The following LHFPL2 variants were observed in gnomAD, a reference collection of about 807,000 sequenced individuals.
LHFPL2 encodes LHFPL tetraspan subfamily member 2.
LHFPL2 carries 7 observed loss-of-function variants against 17.5 expected under a neutral mutation model. That is an observed-to-expected ratio of 0.40 (90% confidence interval 0.23 to 0.75). The LOEUF (loss-of-function observed/expected upper bound fraction) is 0.75. Ranked by LOEUF, LHFPL2 falls within the 30% of genes least tolerant of loss-of-function variation. The pLI is 0.37. For synonymous variants in LHFPL2, 134 were observed against 116.2 expected, an observed-to-expected ratio of 1.15 and a Z score of -0.99; for missense variants, 241 against 294.8, an observed-to-expected ratio of 0.82 and a Z score of 1.34.
In LHFPL2 at chr5:78,640,887, C is replaced by T. The variant is rs371179500; in HGVS notation, c.-350+7612G>A. Reference sequence around the variant, plus strand: ...CAAGCATTCACTGGGGCCTGCTTGGCACACTCTCATTTATGCCACAAATGA... The same window carrying T: ...CAAGCATTCACTGGGGCCTGCTTGGTACACTCTCATTTATGCCACAAATGA... On this transcript the variant is annotated intron_variant, in intron 1 of 4. Transcript: ENST00000380345. Among the ~76,000 whole-genome samples, 9 of 152,294 alleles carry T rather than the reference C, an allele frequency of 5.9e-5. No homozygotes were observed. In the East Asian group the frequency reaches 7.7e-4, roughly 13 times the overall value.
At chr5:78,582,075 C>T (rs1397522913) in intron 2 of LHFPL2, among the ~76,000 whole-genome samples, 4 of 152,186 alleles carry the variant, frequency 2.6e-5, no homozygotes, top group Admixed American at 6.5e-5. Context: ...GGTTTATTTG[C>T]GTAGAGATGT....
rs562130910 is a variant in LHFPL2, at chr5:78,527,725, C to T, written c.-185-17327G>A. ...GTGAAATTTTCAACTTGTAATATTA[C>T]AACAGTTTCTAGTCCCAGCAAAAGA... is the stretch of plus-strand genomic sequence containing the variant. On this transcript the variant is annotated intron_variant, in intron 3 of 4. Coordinates refer to ENST00000380345, the MANE Select transcript of LHFPL2 (RefSeq NM_005779.3). 2.6e-5 allele frequency among the ~76,000 whole-genome samples: 4 copies of T among 152,186 alleles called. No homozygotes were observed. In the East Asian group the frequency reaches 5.8e-4, roughly 22 times the overall value.
intron 2 of LHFPL2, among the ~76,000 whole-genome samples, chr5:78,602,737 G>C (rs752978802): frequency 9.9e-5 from 15 of 152,166 alleles, no homozygotes; most frequent in Non-Finnish European, 1.9e-4. Flanking sequence ...ACCCAGCCCA[G>C]AGGTCTACAC....
At chr5:78,497,620 T>G (rs1754648128) in intron 4 of LHFPL2, among the ~76,000 whole-genome samples, 1 of 152,232 alleles carries the variant, frequency 6.6e-6, no homozygotes, top group Non-Finnish European at 1.5e-5. Context: ...TAAGGTGATG[T>G]GATTATATTA....
chr5:78,633,737 C>G lies in LHFPL2; in HGVS notation c.-349-1369G>C, dbSNP rs189846037. Among the ~76,000 whole-genome samples, 3 of 152,334 alleles carry G rather than the reference C, an allele frequency of 2.0e-5. No homozygotes were observed. The East Asian group carries it at 5.8e-4, about 29-fold the overall frequency. ...ATGGGGTAGGGGACTGAGCCACCTT[C>G]AGGGTAGGGAGGTGGAGATGGGAGT... is the stretch of plus-strand genomic sequence containing the variant. On this transcript the variant is annotated intron_variant, in intron 1 of 4. Transcript: ENST00000380345.
chr5:78,573,154 C>G (rs112909186), intron 2 of LHFPL2, among the ~76,000 whole-genome samples: 1 of 151,942 alleles, frequency 6.6e-6, no homozygotes, highest in African/African-American at 2.4e-5. Context: ...TTTCCTGGAA[C>G]GGGGAGTACA....
chr5:78,548,385 G>T (rs1192629307), intron 3 of LHFPL2, among the ~76,000 whole-genome samples: 4 of 152,224 alleles, frequency 2.6e-5, no homozygotes, highest in Non-Finnish European at 5.9e-5. Flanking sequence ...GCGCCCACCA[G>T]CAGCCCTCTC....
At chr5:78,622,478 T>C (rs1454958721) in intron 2 of LHFPL2, among the ~76,000 whole-genome samples, 1 of 152,140 alleles carries the variant, frequency 6.6e-6, no homozygotes. Flanking sequence ...AGAAGAATAA[T>C]TTGCCTGAGG....
chr5:78,489,228 C>T, intron 4 of LHFPL2, 75 bp from the exon 5 acceptor site: 2 of 1,548,706 alleles, frequency 1.3e-6, no homozygotes, highest in Non-Finnish European at 1.8e-6. Context: ...GTAATTGTTA[C>T]TTGATTTGCT....
chr5:78,555,485 G>A (rs1756548103), intron 3 of LHFPL2, among the ~76,000 whole-genome samples: 1 of 152,260 alleles, frequency 6.6e-6, no homozygotes, highest in Non-Finnish European at 1.5e-5. Flanking sequence ...AACATGGAAG[G>A]AGGAAGGAGG....
chr5:78,626,753 G>C (rs895983391), intron 2 of LHFPL2: 1 of 152,140 alleles, frequency 6.6e-6, no homozygotes, highest in Non-Finnish European at 1.5e-5. Flanking sequence ...CACAACTCAA[G>C]AGAAGTTTTT....
At chr5:78,525,094 T>G (rs886525240) in intron 3 of LHFPL2, among the ~76,000 whole-genome samples, 1 of 152,176 alleles carries the variant, frequency 6.6e-6, no homozygotes, top group African/African-American at 2.4e-5. Flanking sequence ...TTCTTCCCAC[T>G]ATATGCCAGT....
intron 2 of LHFPL2, among the ~76,000 whole-genome samples, chr5:78,572,394 A>G (rs1757019747): frequency 6.6e-6 from 1 of 151,884 alleles, no homozygotes; most frequent in Admixed American, 6.6e-5. Flanking sequence ...GCTTAGCCAA[A>G]TAATTCTACA....
At chr5:78,594,345 C>T (rs1475907509) in intron 2 of LHFPL2, among the ~76,000 whole-genome samples, 2 of 152,126 alleles carry the variant, frequency 1.3e-5, no homozygotes, top group Non-Finnish European at 2.9e-5. Context: ...AACTGTGTGG[C>T]CTTGGACACA....
chr5:78,496,488 T>A (rs1163841138), intron 4 of LHFPL2, among the ~76,000 whole-genome samples: 1 of 152,140 alleles, frequency 6.6e-6, no homozygotes, highest in African/African-American at 2.4e-5. Flanking sequence ...AAAAAACAAA[T>A]CCCTCTAGTG....
Position 78,648,712 on chromosome 5 carries a change from C to G in LHFPL2, c.-563G>C, listed in dbSNP as rs1028914524. On this transcript the variant is annotated 5_prime_UTR_variant, in exon 1 of 5. Transcript: ENST00000380345. The surrounding 1 kb of genome is among the most constrained non-coding windows in gnomAD (Gnocchi z 5.4). Reference sequence around the variant, plus strand: ...AGGGTCCGCGGCGCGGGGGAGGAGGCAGCGAGGCGAGAGAGCGCCAAGCTC... The same window carrying G: ...AGGGTCCGCGGCGCGGGGGAGGAGGGAGCGAGGCGAGAGAGCGCCAAGCTC... 1 of 151,682 alleles carries G rather than the reference C, an allele frequency of 6.6e-6. No individual in the cohort carries two copies. Among genetic ancestry groups the G allele is most frequent in the African/African-American group, 2.4e-5 (1 of 41,236 alleles). The allele number at this position is 151,682 out of a possible 1,614,324, so 9.4% of individuals were successfully genotyped here. A position where few individuals can be genotyped will look rare whatever the true frequency, so the allele number is the denominator to read the frequency against.
At chr5:78,582,059 T>G (rs1423184956) in intron 2 of LHFPL2, among the ~76,000 whole-genome samples, 1 of 152,242 alleles carries the variant, frequency 6.6e-6, no homozygotes, top group Non-Finnish European at 1.5e-5. Flanking sequence ...TACTTCTAGA[T>G]TTTCTGGTTT....
At chr5:78,551,014 C>T (rs78355510) in intron 3 of LHFPL2, among the ~76,000 whole-genome samples, 2 of 152,218 alleles carry the variant, frequency 1.3e-5, no homozygotes, top group Non-Finnish European at 2.9e-5. Flanking sequence ...CACCAAAAGA[C>T]AGAGCAGTCA....
chr5:78,555,191 G>A (rs760092005), intron 3 of LHFPL2, among the ~76,000 whole-genome samples: 1 of 152,138 alleles, frequency 6.6e-6, no homozygotes, highest in Non-Finnish European at 1.5e-5. Flanking sequence ...GTATTGTCCA[G>A]GGACTCACAT....
Sources: allele counts gnomAD v4.1 joint callset (sites outside exome capture counted in the v4.1 genomes callset), GRCh38; gene constraint gnomAD v4.1.1; non-coding constraint Gnocchi (gnomAD v3.1); transcripts MANE v1.5; gene names NCBI Gene and HGNC (gene_info 2026-07-23, HGNC 2026-07-21).